Variants in ELFN2 observed in about 807,000 individuals in gnomAD.
The protein encoded by ELFN2 is extracellular leucine rich repeat and fibronectin type III domain containing 2.
ELFN2 carries 17 observed loss-of-function variants against 45.5 expected under a neutral mutation model. The observed-to-expected ratio is 0.37, with a 90% confidence interval of 0.26 to 0.56. ELFN2 has a LOEUF of 0.56. Ranked by LOEUF, ELFN2 falls within the 20% of genes least tolerant of loss-of-function variation. The pLI, the probability that ELFN2 is intolerant of heterozygous loss-of-function variation, is 0.77. For missense variants in ELFN2, 922 were observed against 1,183.2 expected, an observed-to-expected ratio of 0.78 and a Z score of 3.24; for synonymous variants, 550 against 551.5, an observed-to-expected ratio of 1.00 and a Z score of 0.04.
In ELFN2 at chr22:37,375,043, G is replaced by A. The variant is rs1382978106; in HGVS notation, c.492C>T (p.Ser164=). Residue 164 remains serine, a synonymous_variant, in exon 3 of 3, where the codon AGC becomes AGT. Coordinates refer to ENST00000402918, the MANE Select transcript of ELFN2 (RefSeq NM_052906.5). ...ISIDLSSNRL[S]RLDGATFASL... is the part of the protein sequence containing the mutation. The stretch of plus-strand genomic sequence containing the variant: ...TGGCAAAGGTGGCACCGTCCAGGCG[G>A]CTGAGGCGGTTGGAGGACAGGTCGA... 6.2e-7 allele frequency: 1 copy of A among 1,613,516 alleles called. No individual in the cohort carries two copies. Among genetic ancestry groups the A allele is most frequent in the Non-Finnish European group, 8.5e-7 (1 of 1,180,000 alleles).
intron 2 of ELFN2, among the ~76,000 whole-genome samples, chr22:37,383,162 A>G (rs1272344630): frequency 6.6e-6 from 1 of 152,136 alleles, no homozygotes; most frequent in Non-Finnish European, 1.5e-5. Context: ...CCTGGAGCCA[A>G]GCACCAGTGC....
At chr22:37,384,765 T>C (rs572763860) in intron 2 of ELFN2, 1 of 124,708 alleles carries the variant, frequency 8.0e-6, no homozygotes, top group Admixed American at 8.3e-5. Context: ...TTCCCACTCC[T>C]GACCCCTGCC....
intron 1 of ELFN2, among the ~76,000 whole-genome samples, chr22:37,360,348 C>T (rs1187190958): frequency 6.6e-6 from 1 of 152,212 alleles, no homozygotes; most frequent in African/African-American, 2.4e-5. Flanking sequence ...GCCTCAGTTC[C>T]CTGGTCCATA....
rs558859792 is a variant in ELFN2 at position 37,346,210 on chromosome 22, G to T, written n.149-3507C>A. On this transcript the variant is annotated intron_variant and non_coding_transcript_variant, in intron 1 of 2. Transcript: ENST00000452946. ...GGTTTATAGTTGAAACTCTATTATT[G>T]TTCTGCCCTGGAGAAGCTCCGGCCT... 3.8e-4 allele frequency among the ~76,000 whole-genome samples: 58 copies of T among 152,354 alleles called. 1 individual carries two copies. The South Asian group carries it at 0.012, about 31-fold the overall frequency.
intron 1 of ELFN2, among the ~76,000 whole-genome samples, chr22:37,422,945 G>GT (rs200893605): frequency 2.8e-5 from 3 of 105,552 alleles, no homozygotes; most frequent in African/African-American, 1.5e-4. Flanking sequence ...CTGGGCCTCG[G>GT]GGGGGGGGGG....
intron 2 of ELFN2, among the ~76,000 whole-genome samples, chr22:37,392,856 T>G (rs1569137728): frequency 6.6e-6 from 1 of 152,192 alleles, no homozygotes; most frequent in Non-Finnish European, 1.5e-5. Flanking sequence ...TATTCATATT[T>G]CCATCAGCAG....
At chr22:37,415,060 T>A (rs191671353) in intron 2 of ELFN2, among the ~76,000 whole-genome samples, 3 of 152,318 alleles carry the variant, frequency 2.0e-5, no homozygotes, top group African/African-American at 7.2e-5. Context: ...TGGAGAAACA[T>A]GCCCAACGGC....
At chr22:37,422,886 C>A (rs548192442) in intron 1 of ELFN2, among the ~76,000 whole-genome samples, 6 of 150,144 alleles carry the variant, frequency 4.0e-5, no homozygotes, top group Non-Finnish European at 8.9e-5. Flanking sequence ...TGAGCCACCA[C>A]GCCCAACCAA....
At chr22:37,343,823 C>T (rs1930622758) in intron 1 of ELFN2, among the ~76,000 whole-genome samples, 1 of 151,924 alleles carries the variant, frequency 6.6e-6, no homozygotes, top group Non-Finnish European at 1.5e-5. Context: ...CTCCCCACAC[C>T]CTCTCCAGCT....
At chr22:37,380,436 C>T (rs1931722613) in intron 2 of ELFN2, among the ~76,000 whole-genome samples, 1 of 152,174 alleles carries the variant, frequency 6.6e-6, no homozygotes, top group Non-Finnish European at 1.5e-5. Flanking sequence ...GGGCAGGAGG[C>T]CCCACAAACA....
chr22:37,381,955 CAAAAAAAAAAAAAAAAAAAAAAAA>C (rs1159476533), intron 2 of ELFN2, among the ~76,000 whole-genome samples: 11 of 59,234 alleles, frequency 1.9e-4, no homozygotes, highest in East Asian at 7.6e-4. Flanking sequence ...GACTCCGTCT[CAAAAAAAAAAAAAAAAAAAAAAAA>C]AAAAAAAAAA....
rs1932771493 is a variant in ELFN2 at position 37,417,418 on chromosome 22, C to T, written c.-463+351G>A. The stretch of plus-strand genomic sequence containing the variant: ...GCTGGCTCTCCACCCCCAGCAGGTG[C>T]ACAGATGCCCCCTGACCTGCTGGAG... On this transcript the variant is annotated intron_variant, in intron 2 of 2. Coordinates refer to ENST00000402918, the MANE Select transcript of ELFN2 (RefSeq NM_052906.5). This position sits in a 1 kb window ranked among gnomAD's most constrained non-coding sequence, Gnocchi z 4.5. Among the ~76,000 whole-genome samples the T allele has an allele frequency of 6.6e-6, 1 of 152,240 alleles. No individual in the cohort carries two copies. Among genetic ancestry groups the T allele is most frequent in the Admixed American group, 6.5e-5 (1 of 15,290 alleles).
At chr22:37,364,265 G>A (rs987751992), downstream of ELFN2, among the ~76,000 whole-genome samples, 1 of 152,226 alleles carries the variant, frequency 6.6e-6, no homozygotes, top group Non-Finnish European at 1.5e-5. Context: ...AGGCCAGGGT[G>A]GTGGCGGCAG....
intron 2 of ELFN2, among the ~76,000 whole-genome samples, chr22:37,382,085 C>G (rs1177222815): frequency 6.6e-6 from 1 of 151,874 alleles, no homozygotes; most frequent in African/African-American, 2.4e-5. Flanking sequence ...GTTTCACGGC[C>G]GTCCTTATGC....
Position 37,377,967 on chromosome 22 carries a change from G to A in ELFN2, c.-462-1971C>T, listed in dbSNP as rs73410294. 7.1e-3 allele frequency among the ~76,000 whole-genome samples: 1,083 copies of A among 152,316 alleles called. 11 individuals are homozygous for A. Among genetic ancestry groups the A allele is most frequent in the African/African-American group, 0.025 (1,041 of 41,568 alleles). On this transcript the variant is annotated intron_variant, in intron 2 of 2. Coordinates refer to ENST00000402918, the MANE Select transcript of ELFN2 (RefSeq NM_052906.5). ...TAGCAAGGTTGTACTGGAAGAGGCCGAGTCTCCATGCTTGCCACTTCAGAG... is the reference window on the plus strand; with the variant it reads ...TAGCAAGGTTGTACTGGAAGAGGCCAAGTCTCCATGCTTGCCACTTCAGAG...
chr22:37,396,968 C>T lies in ELFN2; in HGVS notation c.-463+20801G>A, dbSNP rs566189125. On this transcript the variant is annotated intron_variant, in intron 2 of 2. Coordinates refer to ENST00000402918, the MANE Select transcript of ELFN2 (RefSeq NM_052906.5). Reference sequence around the variant, plus strand: ...TTTTTTCCAGGCAGAGGGAGGCTTCCGGAGGGCAGCTCTGATGCTGTCTCT... The same window carrying T: ...TTTTTTCCAGGCAGAGGGAGGCTTCTGGAGGGCAGCTCTGATGCTGTCTCT... 4.6e-5 allele frequency among the ~76,000 whole-genome samples: 7 copies of T among 152,250 alleles called. No homozygotes were observed. The South Asian group carries it at 8.3e-4, about 18-fold the overall frequency.
chr22:37,373,438 C>A lies in ELFN2; in HGVS notation c.2097G>T (p.Val699=), dbSNP rs768233564. The change falls in exon 3 of 3, where the codon GTG becomes GTT. Residue 699 remains valine, a synonymous_variant. Coordinates refer to ENST00000402918, the MANE Select transcript of ELFN2 (RefSeq NM_052906.5). ...GGGGGIHHLE[V]KPAYHCSEHR... ...GCTCGCTGCAGTGGTAGGCCGGCTT[C>A]ACCTCCAGGTGGTGGATGCCCCCGC... 1.3e-6 allele frequency: 2 copies of A among 1,550,684 alleles called. No homozygotes were observed. Among genetic ancestry groups the A allele is most frequent in the African/African-American group, 2.7e-5 (2 of 73,472 alleles).
chr22:37,421,824 C>T (rs143134598), intron 1 of ELFN2, among the ~76,000 whole-genome samples: 51 of 152,300 alleles, frequency 3.3e-4, no homozygotes, highest in Admixed American at 1.4e-3. Context: ...ATAAGACAGG[C>T]AATAGGCAGA....
intron 2 of ELFN2, among the ~76,000 whole-genome samples, chr22:37,342,098 G>A (rs1327443708): frequency 6.6e-6 from 1 of 152,090 alleles, no homozygotes; most frequent in East Asian, 1.9e-4. Flanking sequence ...ACACCTCCAT[G>A]CATTCTTTAC....
Sources: allele counts gnomAD v4.1 joint callset (sites outside exome capture counted in the v4.1 genomes callset), GRCh38; gene constraint gnomAD v4.1.1; non-coding constraint Gnocchi (gnomAD v3.1); transcripts MANE v1.5; gene names NCBI Gene and HGNC (gene_info 2026-07-23, HGNC 2026-07-21).